Variants in RASEF observed in about 807,000 individuals in gnomAD.
The protein encoded by RASEF is ras and EF-hand domain-containing protein.
RASEF carries 68 observed loss-of-function variants against 90.1 expected under a neutral mutation model. That is an observed-to-expected ratio of 0.75 (90% confidence interval 0.62 to 0.92). The LOEUF (loss-of-function observed/expected upper bound fraction) is 0.92, where lower values mean the gene tolerates loss of function less well. Ranked by LOEUF, RASEF falls within the 40% of genes least tolerant of loss-of-function variation. The pLI is 0.00. For missense variants in RASEF, 949 were observed against 937.2 expected (o/e 1.01, Z -0.16); for synonymous variants, 331 against 345.2 (o/e 0.96, Z 0.46).
chr9:83,072,302 CA>C, the RASEF span, among the ~76,000 whole-genome samples: 1 of 152,166 alleles, frequency 6.6e-6, no homozygotes, highest in Non-Finnish European at 1.5e-5. Flanking sequence ...CCAAAATATG[CA>C]CTATTTTTAA....
At chr9:83,144,391 G>GGAAGGAAGGAAA in the RASEF span, among the ~76,000 whole-genome samples, 1 of 33,220 alleles carries the variant, frequency 3.0e-5, no homozygotes, top group African/African-American at 1.0e-4. Context: ...AAGAAAGAAA[G>GGAAGGAAGGAAA]GAAAGAAAGA....
At chr9:83,120,586 A>G in the RASEF span, among the ~76,000 whole-genome samples, 2 of 152,214 alleles carry the variant, frequency 1.3e-5, no homozygotes, top group African/African-American at 4.8e-5. Flanking sequence ...GAGGTTGTTC[A>G]TTATCACAAC....
chr9:83,037,348 T>C (rs549132434), intron 1 of RASEF, among the ~76,000 whole-genome samples: 1 of 152,200 alleles, frequency 6.6e-6, no homozygotes, highest in South Asian at 2.1e-4. Flanking sequence ...ATTCCAGCAC[T>C]GGTTTGTTTT....
chr9:83,138,751 T>C, the RASEF span, among the ~76,000 whole-genome samples: 4 of 152,160 alleles, frequency 2.6e-5, no homozygotes, highest in African/African-American at 9.6e-5. Context: ...CTCAAAGGAC[T>C]GTCTGTGAAT....
intron 16 of RASEF, among the ~76,000 whole-genome samples, chr9:82,986,252 T>C (rs190682748): frequency 3.6e-4 from 55 of 152,318 alleles, no homozygotes; most frequent in African/African-American, 1.3e-3. Flanking sequence ...AATTTCCTCT[T>C]CTGTAAAATG....
chr9:83,033,211 G>C (rs879277512), intron 1 of RASEF, among the ~76,000 whole-genome samples: 4 of 152,152 alleles, frequency 2.6e-5, no homozygotes, highest in Non-Finnish European at 5.9e-5. Flanking sequence ...CCTAGCATCT[G>C]AACATGAGAC....
chr9:83,048,129 G>C (rs1393721308), intron 1 of RASEF: 1 of 985,240 alleles, frequency 1.0e-6, no homozygotes, highest in Non-Finnish European at 1.2e-6. Context: ...CCTGGCTCTG[G>C]AGGCCTCCAC....
At chr9:83,148,836 G>T in the RASEF span, among the ~76,000 whole-genome samples, 1 of 152,174 alleles carries the variant, frequency 6.6e-6, no homozygotes, top group Admixed American at 6.5e-5. Flanking sequence ...AGAAGACAGC[G>T]AGAAAACCAT....
At chr9:83,165,308 C>T in the RASEF span, among the ~76,000 whole-genome samples, 119 of 152,142 alleles carry the variant, frequency 7.8e-4, no homozygotes, top group African/African-American at 2.7e-3. Flanking sequence ...ACAATGTTTG[C>T]TCTCAGGCCA....
intron 4 of RASEF, among the ~76,000 whole-genome samples, chr9:83,015,244 C>A (rs1451045164): frequency 6.6e-6 from 1 of 152,184 alleles, no homozygotes; most frequent in Non-Finnish European, 1.5e-5. Context: ...ACACAAGGGA[C>A]TTGAGAGTAC....
rs1830198166 is a variant in RASEF at position 83,061,429 on chromosome 9, G to C, written c.431+1008C>G. ...CTGCCAACCAAAATGATGCCTTTCA[G>C]AGCGTCTTAATAACGACAGCCAGAG... On this transcript the variant is annotated intron_variant, in intron 1 of 16. Transcript: ENST00000376447. Among the ~76,000 whole-genome samples the C allele has an allele frequency of 2.6e-5, 4 of 152,282 alleles. No homozygotes were observed. The South Asian group carries it at 8.3e-4, about 32-fold the overall frequency.
the RASEF span, among the ~76,000 whole-genome samples, chr9:83,137,619 G>C: frequency 6.6e-6 from 1 of 152,210 alleles, no homozygotes; most frequent in East Asian, 1.9e-4. Flanking sequence ...GCTGAACGAA[G>C]TCAGAAGCTA....
the RASEF span, among the ~76,000 whole-genome samples, chr9:83,201,456 C>T: frequency 6.6e-6 from 1 of 152,086 alleles, no homozygotes; most frequent in Non-Finnish European, 1.5e-5. Flanking sequence ...GGAGACACTC[C>T]CAAATAGTAA....
At chr9:83,144,386 A>AGGAAGGAAGGAAG in the RASEF span, among the ~76,000 whole-genome samples, 2 of 52,146 alleles carry the variant, frequency 3.8e-5, no homozygotes, top group Non-Finnish European at 3.5e-5. Context: ...AAAGAAAGAA[A>AGGAAGGAAGGAAG]GAAAGGAAAG....
At chr9:83,110,381 T>G in the RASEF span, among the ~76,000 whole-genome samples, 1 of 152,180 alleles carries the variant, frequency 6.6e-6, no homozygotes, top group African/African-American at 2.4e-5. Flanking sequence ...ATTTATTTTT[T>G]AAAAAACCCC....
intron 1 of RASEF, among the ~76,000 whole-genome samples, chr9:83,046,039 A>C (rs1321501964): frequency 2.0e-5 from 3 of 151,638 alleles, no homozygotes; most frequent in Admixed American, 6.6e-5. Flanking sequence ...AAAAAAAAAA[A>C]CCCTGCAAAA....
the RASEF span, among the ~76,000 whole-genome samples, chr9:83,117,685 A>C: frequency 6.6e-6 from 1 of 152,210 alleles, no homozygotes; most frequent in South Asian, 2.1e-4. Flanking sequence ...TCTGCTAGTG[A>C]TCATCCTACC....
At position 83,040,423 on chromosome 9, in the gene RASEF, T is replaced by G. The variant is rs137998900; in HGVS notation, c.432-14502A>C. On this transcript the variant is annotated intron_variant, in intron 1 of 16. Transcript: ENST00000376447. ...TCCAAAAATAAATTAAATTACATGA[T>G]TCTATGGCGATCAACAAAGACAACA... 1.1e-4 allele frequency among the ~76,000 whole-genome samples: 16 copies of G among 152,310 alleles called. No homozygotes were observed. The East Asian group carries it at 3.1e-3, about 29-fold the overall frequency.
chr9:83,098,549 G>C, the RASEF span, among the ~76,000 whole-genome samples: 1 of 152,186 alleles, frequency 6.6e-6, no homozygotes, highest in African/African-American at 2.4e-5. Flanking sequence ...AAATTATTAA[G>C]TGCCTAATTG....
Sources: allele counts gnomAD v4.1 joint callset (sites outside exome capture counted in the v4.1 genomes callset), GRCh38; gene constraint gnomAD v4.1.1; transcripts MANE v1.5; gene names NCBI Gene and HGNC (gene_info 2026-07-23, HGNC 2026-07-21).